TNFSF4: variants seen among roughly 807,000 people sequenced by gnomAD.
The protein encoded by TNFSF4 is tumor necrosis factor ligand superfamily member 4.
In TNFSF4, 4 loss-of-function variants were observed where a neutral mutation model predicts 7.3. The observed-to-expected ratio is 0.55, with a 90% CI of 0.27 to 1.25. TNFSF4 has a LOEUF of 1.25. Ranked by LOEUF, TNFSF4 falls within the 50% of genes most tolerant of loss-of-function variation. The pLI is 0.12. For missense variants in TNFSF4, 181 were observed against 208.8 expected (o/e 0.87, Z 0.82); for synonymous variants, 76 against 83.7 (o/e 0.91, Z 0.50).
the TNFSF4 span, among the ~76,000 whole-genome samples, chr1:173,251,557 G>A: frequency 1.3e-5 from 2 of 152,240 alleles, no homozygotes; most frequent in Non-Finnish European, 2.9e-5. Context: ...GGGCCAGGGG[G>A]AGGGTATGTG....
chr1:173,382,883 C>G, the TNFSF4 span, among the ~76,000 whole-genome samples: 1 of 150,812 alleles, frequency 6.6e-6, no homozygotes, highest in African/African-American at 2.5e-5. Context: ...TTCACACACA[C>G]ACACACACAC....
At chr1:173,356,448 A>G in the TNFSF4 span, among the ~76,000 whole-genome samples, 2 of 152,236 alleles carry the variant, frequency 1.3e-5, no homozygotes, top group African/African-American at 4.8e-5. Flanking sequence ...CTTAATAGAA[A>G]AGTGCTCTTT....
chr1:173,183,304 G>A (rs534997702), downstream of TNFSF4, among the ~76,000 whole-genome samples: 6 of 152,282 alleles, frequency 3.9e-5, no homozygotes, highest in South Asian at 8.3e-4. Context: ...GGAGGACAAC[G>A]TCATCAGCAC....
At chr1:173,361,355 C>A in the TNFSF4 span, among the ~76,000 whole-genome samples, 4 of 152,076 alleles carry the variant, frequency 2.6e-5, no homozygotes, top group Non-Finnish European at 1.5e-5. Context: ...ATAAGTATGA[C>A]CAACAACTTA....
intron 1 of TNFSF4, among the ~76,000 whole-genome samples, chr1:173,203,297 A>T (rs1650025121): frequency 6.6e-6 from 1 of 152,114 alleles, no homozygotes; most frequent in Non-Finnish European, 1.5e-5. Flanking sequence ...CCCAAATTCA[A>T]TGATTCTATA....
chr1:173,207,671 G>A (rs555562529), upstream of TNFSF4, among the ~76,000 whole-genome samples: 52 of 152,224 alleles, frequency 3.4e-4, 1 homozygote, highest in Non-Finnish European at 5.6e-4. Context: ...GCTGGCCCAA[G>A]GTTCTTATCT....
chr1:173,360,712 C>T, the TNFSF4 span, among the ~76,000 whole-genome samples: 1 of 152,130 alleles, frequency 6.6e-6, no homozygotes, highest in African/African-American at 2.4e-5. Context: ...TGAGGGGCCC[C>T]TTGTGGAAAA....
At chr1:173,371,391 GAA>G in the TNFSF4 span, among the ~76,000 whole-genome samples, 1 of 152,142 alleles carries the variant, frequency 6.6e-6, no homozygotes, top group Admixed American at 6.5e-5. Flanking sequence ...TGAATATGAG[GAA>G]AAAGTTACCC....
At chr1:173,434,282 G>A in the TNFSF4 span, among the ~76,000 whole-genome samples, 2 of 152,178 alleles carry the variant, frequency 1.3e-5, no homozygotes, top group Non-Finnish European at 2.9e-5. Context: ...TATTACAAGT[G>A]CATGTTAACT....
the TNFSF4 span, among the ~76,000 whole-genome samples, chr1:173,400,238 T>A: frequency 6.6e-6 from 1 of 152,202 alleles, no homozygotes; most frequent in Non-Finnish European, 1.5e-5. Flanking sequence ...ATTGGAATGG[T>A]CTTTTGAAGA....
the TNFSF4 span, among the ~76,000 whole-genome samples, chr1:173,270,322 G>T: frequency 6.6e-6 from 1 of 152,142 alleles, no homozygotes; most frequent in Non-Finnish European, 1.5e-5. Flanking sequence ...GGAATTGCTA[G>T]TGTAAAGGTG....
chr1:173,355,557 A>G, the TNFSF4 span, among the ~76,000 whole-genome samples: 1 of 152,180 alleles, frequency 6.6e-6, no homozygotes, highest in Non-Finnish European at 1.5e-5. Context: ...GGCTGTCTCC[A>G]AAAGAATTTA....
chr1:173,412,714 C>T, the TNFSF4 span, among the ~76,000 whole-genome samples: 9 of 152,208 alleles, frequency 5.9e-5, no homozygotes, highest in African/African-American at 2.2e-4. Context: ...GTAAAATTTC[C>T]ATTAATGGTA....
chr1:173,416,638 T>TGAGAGAGA, the TNFSF4 span, among the ~76,000 whole-genome samples: 2 of 110,082 alleles, frequency 1.8e-5, no homozygotes, highest in Non-Finnish European at 3.8e-5. Flanking sequence ...ATTTATTTTT[T>TGAGAGAGA]GAGAGAGAGA....
the TNFSF4 span, among the ~76,000 whole-genome samples, chr1:173,177,031 T>C: frequency 6.6e-6 from 1 of 152,024 alleles, no homozygotes; most frequent in South Asian, 2.1e-4. Flanking sequence ...CTGTGCTTAT[T>C]ACTTGGGTGA....
Position 173,207,251 on chromosome 1 carries a change from AAAG to A in TNFSF4, c.-78_-76del. On this transcript the variant is annotated 5_prime_UTR_variant, in exon 1 of 3. Coordinates refer to ENST00000281834, the MANE Select transcript of TNFSF4 (RefSeq NM_003326.5). ...GCGATAAAACTGAAGTTTTCCCCAG[AAAG>A]AAGGAGGTAAAGACAAAACAAAGCC... 2 of 1,448,896 alleles carry A rather than the reference AAAG, an allele frequency of 1.4e-6. No homozygotes were observed. The highest frequency in any genetic ancestry group is 1.9e-6 in the Non-Finnish European group (2 of 1,053,022). 89.8% of individuals were successfully genotyped at this position (1,448,896 alleles called of 1,614,324 possible).
chr1:173,428,961 T>G, the TNFSF4 span, among the ~76,000 whole-genome samples: 142 of 151,880 alleles, frequency 9.3e-4, no homozygotes, highest in Non-Finnish European at 1.1e-3. Context: ...GAGCCGAGAT[T>G]GTGCCACTGC....
At chr1:173,395,892 C>G in the TNFSF4 span, among the ~76,000 whole-genome samples, 3 of 152,052 alleles carry the variant, frequency 2.0e-5, no homozygotes, top group Non-Finnish European at 4.4e-5. Flanking sequence ...TACAAGTGGC[C>G]TCCCAACAAC....
At chr1:173,189,661 G>C (rs1322310318) in intron 1 of TNFSF4, among the ~76,000 whole-genome samples, 1 of 152,036 alleles carries the variant, frequency 6.6e-6, no homozygotes. Context: ...AAGTTGGGGG[G>C]GGTGCAGAAT....
Sources: allele counts gnomAD v4.1 joint callset (sites outside exome capture counted in the v4.1 genomes callset), GRCh38; gene constraint gnomAD v4.1.1; transcripts MANE v1.5; gene names NCBI Gene and HGNC (gene_info 2026-07-23, HGNC 2026-07-21).